The following YES1 variants were observed in gnomAD, a reference collection of about 807,000 sequenced individuals.
The protein encoded by YES1 is YES proto-oncogene 1, Src family tyrosine kinase.
YES1 carries 39 observed loss-of-function variants against 70.4 expected under a neutral mutation model. The ratio of observed to expected loss-of-function variants is 0.55; its 90% CI spans 0.43 to 0.72. The LOEUF (loss-of-function observed/expected upper bound fraction) is 0.72. Ranked by LOEUF, YES1 falls within the 30% of genes least tolerant of loss-of-function variation. The pLI is 0.00. For missense variants in YES1, 495 were observed against 644.8 expected, an observed-to-expected ratio of 0.77 and a Z score of 2.52; for synonymous variants, 198 against 218.6, an observed-to-expected ratio of 0.91 and a Z score of 0.83.
At chr18:755,773 T>C (rs1014325015) in intron 2 of YES1, among the ~76,000 whole-genome samples, 1 of 152,194 alleles carries the variant, frequency 6.6e-6, no homozygotes, top group African/African-American at 2.4e-5. Context: ...GATGACACCA[T>C]GGAACTGCTC....
chr18:762,527 A>G (rs1469684686), intron 1 of YES1, among the ~76,000 whole-genome samples: 3 of 152,158 alleles, frequency 2.0e-5, no homozygotes, highest in African/African-American at 4.8e-5. Context: ...AAACCAAACA[A>G]GAAAAATCCC....
chr18:724,041 C>T lies in YES1; in HGVS notation c.*383G>A, dbSNP rs1216119551. 5.9e-6 allele frequency: 1 copy of T among 168,114 alleles called. No homozygotes were observed. The highest frequency in any genetic ancestry group is 1.3e-5 in the Non-Finnish European group (1 of 77,056). The allele number at this position is 168,114 out of a possible 1,614,324, so 10.4% of individuals were successfully genotyped here. A position where few individuals can be genotyped will look rare whatever the true frequency, so the allele number is the denominator to read the frequency against. On this transcript the variant is annotated 3_prime_UTR_variant, in exon 12 of 12. Transcript: ENST00000314574. ...AATTTTAGATTTTATTATGGTATAG[C>T]TTTTTATCTCTCAAGTTTTATCTGT...
intron 1 of YES1, among the ~76,000 whole-genome samples, chr18:792,576 T>C: frequency 6.6e-6 from 1 of 151,760 alleles, no homozygotes; most frequent in East Asian, 1.9e-4. Context: ...TGTGTGTGTG[T>C]GTGTGTGTGT....
chr18:800,298 G>A (rs1906753818), intron 1 of YES1, among the ~76,000 whole-genome samples: 1 of 152,200 alleles, frequency 6.6e-6, no homozygotes, highest in Non-Finnish European at 1.5e-5. Flanking sequence ...ATGTCTATGT[G>A]TCATTGTTCT....
At chr18:810,778 GCAAA>G (rs1159821957) in intron 1 of YES1, among the ~76,000 whole-genome samples, 4 of 152,054 alleles carry the variant, frequency 2.6e-5, no homozygotes, top group Admixed American at 2.0e-4. Flanking sequence ...ACACTTATAA[GCAAA>G]CAAACAAAAA....
chr18:785,992 C>T (rs1310691094), intron 1 of YES1, among the ~76,000 whole-genome samples: 1 of 152,136 alleles, frequency 6.6e-6, no homozygotes, highest in Non-Finnish European at 1.5e-5. Context: ...CTCTTGCCTT[C>T]CACCATGAGA....
chr18:801,809 A>G (rs1906837148), intron 1 of YES1, among the ~76,000 whole-genome samples: 1 of 152,204 alleles, frequency 6.6e-6, no homozygotes, highest in South Asian at 2.1e-4. Context: ...CATCTTTTGC[A>G]TGTTTCTTTA....
chr18:742,510 T>C (rs1442581003), intron 8 of YES1, among the ~76,000 whole-genome samples: 3 of 151,972 alleles, frequency 2.0e-5, no homozygotes, highest in Admixed American at 6.6e-5. Context: ...CTAGAAGTCC[T>C]GAATATAGGA....
At chr18:807,160 CCT>C (rs1322784866) in intron 1 of YES1, among the ~76,000 whole-genome samples, 1 of 151,988 alleles carries the variant, frequency 6.6e-6, no homozygotes, top group East Asian at 1.9e-4. Flanking sequence ...ATGGTGAAAC[CCT>C]GTCTCTACTA....
chr18:772,519 G>A (rs561016644), intron 1 of YES1, among the ~76,000 whole-genome samples: 114 of 151,498 alleles, frequency 7.5e-4, no homozygotes, highest in Non-Finnish European at 1.1e-3. Flanking sequence ...TGCAACCTCC[G>A]CCTCCTGGGT....
At chr18:777,633 C>G (rs746474568) in intron 1 of YES1, among the ~76,000 whole-genome samples, 1 of 151,680 alleles carries the variant, frequency 6.6e-6, no homozygotes, top group African/African-American at 2.4e-5. Context: ...ATGCTGAAAC[C>G]CTGTTTCTAC....
chr18:743,329 C>A lies in YES1; in HGVS notation c.811G>T (p.Glu271Ter). The change falls in exon 7 of 12, where the codon GAA becomes TAA. Residue 271 changes from glutamate (E) to a stop codon, truncating the protein, a stop_gained. Coordinates refer to ENST00000314574, the MANE Select transcript of YES1 (RefSeq NM_005433.4). LOFTEE classifies it high-confidence loss of function. ...AGTCGCAAAGATTCTCGAGGGATTT[C>A]CCAAGCATCTTTTGCTAGACCTTGA... Reference protein sequence around the residue: ...QTQGLAKDAWEIPRESLRLEV... With the variant: ...QTQGLAKDAW 1 of 1,612,530 alleles carries A rather than the reference C, an allele frequency of 6.2e-7. No individual in the cohort carries two copies.
chr18:733,002 T>TA (rs1388305743), intron 10 of YES1, 37 bp from the exon 11 acceptor site: 1 of 1,609,518 alleles, frequency 6.2e-7, no homozygotes, highest in South Asian at 1.1e-5. Context: ...AATTGTTTTT[T>TA]AAAAATCTAT....
At chr18:799,738 T>C (rs567239384) in intron 1 of YES1, among the ~76,000 whole-genome samples, 14 of 146,974 alleles carry the variant, frequency 9.5e-5, no homozygotes, top group African/African-American at 3.3e-4. Context: ...AAAACACAAA[T>C]ACAAATACAA....
chr18:737,059 A>G, intron 9 of YES1, 98 bp from the exon 10 acceptor site: 5 of 1,048,930 alleles, frequency 4.8e-6, no homozygotes, highest in Non-Finnish European at 6.7e-6. Flanking sequence ...ACTGAAAATC[A>G]TATTATTTTA....
chr18:757,062 T>G (rs2080416800), intron 1 of YES1, among the ~76,000 whole-genome samples: 1 of 152,230 alleles, frequency 6.6e-6, no homozygotes, highest in Admixed American at 6.5e-5. Flanking sequence ...TCAATCACCT[T>G]TAATAGTCCA....
At chr18:808,970 A>G (rs1568224543) in intron 1 of YES1, among the ~76,000 whole-genome samples, 1 of 152,216 alleles carries the variant, frequency 6.6e-6, no homozygotes, top group Non-Finnish European at 1.5e-5. Flanking sequence ...TTACTGATCT[A>G]AAGAATTACT....
chr18:782,551 C>CT (rs1190932072), intron 1 of YES1, among the ~76,000 whole-genome samples: 2 of 152,116 alleles, frequency 1.3e-5, no homozygotes, highest in Non-Finnish European at 2.9e-5. Context: ...AATTGTTTTA[C>CT]TTAAGTGAAT....
chr18:737,602 A>C (rs1171662024), intron 9 of YES1: 1 of 152,268 alleles, frequency 6.6e-6, no homozygotes, highest in Non-Finnish European at 1.5e-5. Flanking sequence ...GCACAACCTA[A>C]GATGACATGG....
Sources: gnomAD v4.1 joint callset for allele counts (sites outside exome capture counted in the v4.1 genomes callset) on GRCh38, gnomAD v4.1.1 for gene constraint, MANE v1.5 for transcripts, NCBI Gene and HGNC (gene_info 2026-07-23, HGNC 2026-07-21) for gene names.